Variants in NCAM2 observed in about 807,000 individuals in gnomAD.
NCAM2 encodes N-CAM-2.
NCAM2 carries 30 observed loss-of-function variants against 98.1 expected under a neutral mutation model. The ratio of observed to expected loss-of-function variants is 0.31; its 90% CI spans 0.23 to 0.41. The LOEUF (loss-of-function observed/expected upper bound fraction) is 0.41. NCAM2 is among the 10% of genes least tolerant of loss of function. The pLI, the probability that NCAM2 is intolerant of heterozygous loss-of-function variation, is 1.00. For missense variants in NCAM2, 867 were observed against 1,005.8 expected, an observed-to-expected ratio of 0.86 and a Z score of 1.87; for synonymous variants, 368 against 342.4, an observed-to-expected ratio of 1.07 and a Z score of -0.83.
intron 16 of NCAM2, among the ~76,000 whole-genome samples, chr21:21,533,137 T>C (rs1989797476): frequency 6.7e-6 from 1 of 149,534 alleles, no homozygotes; most frequent in Non-Finnish European, 1.5e-5. Context: ...GTTCAATCTT[T>C]GGACCATTGT....
At chr21:21,311,611 G>A (rs1243286684) in intron 5 of NCAM2, among the ~76,000 whole-genome samples, 2 of 152,182 alleles carry the variant, frequency 1.3e-5, no homozygotes, top group East Asian at 3.9e-4. Context: ...AAAGTTCTGG[G>A]ATTACAGGCG....
rs576154677 is a variant in NCAM2, at chr21:21,205,718, A to T, written c.56-74860A>T. Among the ~76,000 whole-genome samples the T allele has an allele frequency of 1.3e-4, 20 of 152,296 alleles. No individual in the cohort carries two copies. In the East Asian group the frequency reaches 3.7e-3, roughly 28 times the overall value. On this transcript the variant is annotated intron_variant, in intron 1 of 17. Transcript: ENST00000400546. ...TATTCAGCAGCTATAAGAAAATACC[A>T]TAGACTGAGGTAGCCTATAAGCAGC...
intron 14 of NCAM2, among the ~76,000 whole-genome samples, chr21:21,469,895 C>T (rs545561736): frequency 9.2e-5 from 14 of 152,050 alleles, no homozygotes; most frequent in African/African-American, 2.4e-4. Context: ...TTTGTAAACA[C>T]GGTAGAAGAG....
intron 1 of NCAM2, among the ~76,000 whole-genome samples, chr21:21,221,400 AG>A (rs34473281): frequency 1 from 152,308 of 152,312 alleles, 76,152 homozygotes; most frequent in Middle Eastern, 1. Context: ...AAGACAAGAT[AG>A]GGCTGAAAGC....
At chr21:21,180,699 C>A (rs2826719) in intron 1 of NCAM2, among the ~76,000 whole-genome samples, 8,748 of 152,092 alleles carry the variant, frequency 0.058, 344 homozygotes, top group East Asian at 0.12. Context: ...TTAGTTTTTG[C>A]CTTGTTTCAC....
chr21:21,128,990 C>G (rs2066882672), intron 1 of NCAM2, among the ~76,000 whole-genome samples: 1 of 152,036 alleles, frequency 6.6e-6, no homozygotes, highest in East Asian at 1.9e-4. Context: ...AAAACGACAG[C>G]AAACAAATTT....
At chr21:21,293,798 T>C (rs1216545638) in intron 5 of NCAM2, among the ~76,000 whole-genome samples, 1 of 151,868 alleles carries the variant, frequency 6.6e-6, no homozygotes, top group East Asian at 1.9e-4. Context: ...AAAAGATTTA[T>C]GATGAAATAT....
intron 5 of NCAM2, among the ~76,000 whole-genome samples, chr21:21,318,308 G>C (rs2147764838): frequency 6.6e-6 from 1 of 152,182 alleles, no homozygotes; most frequent in Admixed American, 6.5e-5. Context: ...TGACTTGAGA[G>C]ATCTTCCATA....
rs115066154 is a variant in NCAM2 at position 21,359,175 on chromosome 21, T to G, written c.1045-14688T>G. ...AAGGATTTTTTATTTGAATGACATT[T>G]TAAAGATCTACCTAATGCATTTTTT... On this transcript the variant is annotated intron_variant, in intron 8 of 17. Coordinates refer to ENST00000400546, the MANE Select transcript of NCAM2 (RefSeq NM_004540.5). Among the ~76,000 whole-genome samples, 554 of 152,104 alleles carry G rather than the reference T, an allele frequency of 3.6e-3. 4 individuals are homozygous for G. Among genetic ancestry groups the G allele is most frequent in the African/African-American group, 0.012 (496 of 41,548 alleles).
At chr21:21,508,006 A>G (rs1988101166) in intron 15 of NCAM2, among the ~76,000 whole-genome samples, 1 of 152,080 alleles carries the variant, frequency 6.6e-6, no homozygotes, top group South Asian at 2.1e-4. Context: ...GTAACACGTG[A>G]TTCATCTTCA....
chr21:21,495,797 G>A (rs769103158), intron 15 of NCAM2, among the ~76,000 whole-genome samples: 10 of 151,560 alleles, frequency 6.6e-5, no homozygotes, highest in Non-Finnish European at 8.8e-5. Flanking sequence ...TCTTATTTTC[G>A]AAAACCATCT....
At chr21:21,505,696 G>C (rs1987937068) in intron 15 of NCAM2, among the ~76,000 whole-genome samples, 1 of 151,836 alleles carries the variant, frequency 6.6e-6, no homozygotes, top group Non-Finnish European at 1.5e-5. Flanking sequence ...TTACAGAATA[G>C]TTTAATGTTT....
chr21:21,327,564 G>T (rs969245747), intron 6 of NCAM2, among the ~76,000 whole-genome samples: 4 of 151,986 alleles, frequency 2.6e-5, no homozygotes, highest in African/African-American at 9.7e-5. Flanking sequence ...TGGTTGCCTG[G>T]GACTGGATAT....
chr21:21,438,911 C>T (rs1249685897), intron 12 of NCAM2, among the ~76,000 whole-genome samples: 4 of 151,770 alleles, frequency 2.6e-5, no homozygotes, highest in East Asian at 1.9e-4. Flanking sequence ...AGCAAGACCC[C>T]GTCTCTCTAA....
At chr21:21,011,067 C>T (rs2064200809) in intron 1 of NCAM2, among the ~76,000 whole-genome samples, 1 of 151,976 alleles carries the variant, frequency 6.6e-6, no homozygotes, top group Non-Finnish European at 1.5e-5. Flanking sequence ...TATAGGCAGC[C>T]TTGTTTCCTT....
At chr21:21,061,141 T>C (rs1601241905) in intron 1 of NCAM2, among the ~76,000 whole-genome samples, 1 of 152,304 alleles carries the variant, frequency 6.6e-6, no homozygotes, top group African/African-American at 2.4e-5. Flanking sequence ...TATTAAGTGA[T>C]AGTCTGAAGA....
intron 15 of NCAM2, among the ~76,000 whole-genome samples, chr21:21,504,352 C>T (rs146762213): frequency 3.1e-4 from 47 of 151,752 alleles, no homozygotes; most frequent in Admixed American, 8.6e-4. Context: ...CACCATAAGT[C>T]GTAAGTGTAA....
chr21:21,042,965 G>A (rs1367721756), intron 1 of NCAM2, among the ~76,000 whole-genome samples: 1 of 152,156 alleles, frequency 6.6e-6, no homozygotes, highest in African/African-American at 2.4e-5. Context: ...ATTCAATTTT[G>A]TTGTAACATG....
rs942075780 is a variant in NCAM2 at position 21,292,349 on chromosome 21, T to C, written c.619+108T>C. On this transcript the variant is annotated intron_variant, in intron 5 of 17. Transcript: ENST00000400546. Reference sequence around the variant, plus strand: ...ATACAAGTCTTATCTAATAAACCTCTTCTATACCAGGAAGAAATCTTTCCA... The same window carrying C: ...ATACAAGTCTTATCTAATAAACCTCCTCTATACCAGGAAGAAATCTTTCCA... 7 of 1,054,546 alleles carry C rather than the reference T, an allele frequency of 6.6e-6. No homozygotes were observed. In the African/African-American group the frequency reaches 1.1e-4, roughly 17 times the overall value. The allele number at this position is 1,054,546 out of a possible 1,614,324, so 65.3% of individuals were successfully genotyped here.
Sources: gnomAD v4.1 joint callset for allele counts (sites outside exome capture counted in the v4.1 genomes callset) on GRCh38, gnomAD v4.1.1 for gene constraint, MANE v1.5 for transcripts, NCBI Gene and HGNC (gene_info 2026-07-23, HGNC 2026-07-21) for gene names.